The following CREBBP variants were observed in gnomAD, a reference collection of about 807,000 sequenced individuals.
CREBBP encodes CREB-binding protein.
In CREBBP, 19 loss-of-function variants were observed where a neutral mutation model predicts 265.0. The observed-to-expected ratio is 0.07, with a 90% CI of 0.05 to 0.11. The LOEUF (loss-of-function observed/expected upper bound fraction) is 0.11, where lower values mean the gene tolerates loss of function less well. Ranked by LOEUF, CREBBP falls within the 10% of genes least tolerant of loss-of-function variation. The probability of loss-of-function intolerance (pLI) is 1.00; values close to 1 mark genes in which losing one functional copy is unlikely to be tolerated. For missense variants in CREBBP, 2,525 were observed against 3,219.0 expected, an observed-to-expected ratio of 0.78 and a Z score of 5.22; for synonymous variants, 1,457 against 1,223.7, an observed-to-expected ratio of 1.19 and a Z score of -3.98.
chr16:3,750,670 G>T (rs1048263873), intron 20 of CREBBP, among the ~76,000 whole-genome samples: 1 of 152,206 alleles, frequency 6.6e-6, no homozygotes, highest in Non-Finnish European at 1.5e-5. Context: ...CCCTGTGCAG[G>T]AGTGAACTAA....
At chr16:3,748,232 C>T (rs1199023811) in intron 21 of CREBBP, among the ~76,000 whole-genome samples, 5 of 150,666 alleles carry the variant, frequency 3.3e-5, no homozygotes, top group African/African-American at 7.3e-5. Context: ...GAGCCGAGAT[C>T]GCGCCACTGC....
chr16:3,850,182 G>A (rs754180863), intron 2 of CREBBP, 115 bp downstream of exon 2: 46 of 981,772 alleles, frequency 4.7e-5, no homozygotes, highest in Non-Finnish European at 6.2e-5. Context: ...TGAGTGGCAC[G>A]TGGAGAGCCC....
At chr16:3,875,187 T>C (rs2055374091) in intron 1 of CREBBP, among the ~76,000 whole-genome samples, 1 of 152,188 alleles carries the variant, frequency 6.6e-6, no homozygotes, top group Non-Finnish European at 1.5e-5. Flanking sequence ...CAAATCTGAA[T>C]GTTCAGCCAG....
intron 2 of CREBBP, among the ~76,000 whole-genome samples, chr16:3,812,144 G>T (rs1011685052): frequency 1.3e-5 from 2 of 151,984 alleles, no homozygotes; most frequent in African/African-American, 4.8e-5. Flanking sequence ...AGAGGTTATA[G>T]TATCCTCTCT....
chr16:3,859,545 G>C (rs1008567804), intron 1 of CREBBP, among the ~76,000 whole-genome samples: 1 of 152,176 alleles, frequency 6.6e-6, no homozygotes, highest in Non-Finnish European at 1.5e-5. Context: ...GCAGCTCCTA[G>C]GTAGCTTCGG....
At chr16:3,800,438 A>T (rs2053689884) in intron 3 of CREBBP, among the ~76,000 whole-genome samples, 1 of 152,164 alleles carries the variant, frequency 6.6e-6, no homozygotes, top group African/African-American at 2.4e-5. Flanking sequence ...AAATTCTTAA[A>T]ATACAGATCC....
intron 1 of CREBBP, among the ~76,000 whole-genome samples, chr16:3,854,539 C>G (rs968385581): frequency 6.6e-6 from 1 of 152,214 alleles, no homozygotes; most frequent in African/African-American, 2.4e-5. Context: ...CTCACCCTAA[C>G]CCTAACAGAC....
chr16:3,817,432 C>A (rs1042707072), intron 2 of CREBBP, among the ~76,000 whole-genome samples: 1 of 152,146 alleles, frequency 6.6e-6, no homozygotes, highest in African/African-American at 2.4e-5. Context: ...CTCAGAAAGA[C>A]CAGAAAGATT....
At chr16:3,878,798 C>G (rs960720169) in intron 1 of CREBBP, among the ~76,000 whole-genome samples, 1 of 152,126 alleles carries the variant, frequency 6.6e-6, no homozygotes, top group African/African-American at 2.4e-5. Flanking sequence ...CAAGTTTTTG[C>G]GGCAAAGGAG....
In CREBBP at chr16:3,850,938, G is replaced by A. The variant is rs1220521982; in HGVS notation, c.157C>T (p.Leu53Phe). The change falls in exon 2 of 31, where the codon CTT (leucine) becomes TTT (phenylalanine). Residue 53 changes from leucine to phenylalanine, a missense_variant. Physicochemically the swap from Leu to Phe is conservative, Grantham distance 22 (BLOSUM62 0). This residue lies in a region of CREBBP where 356 missense variants were observed against 340.4 expected (regional missense o/e 1.05). Transcript: ENST00000262367. ...ELIPNGGELG[L>F]LNSGNLVPDA... ...GGAACAAGGTTCCCACTGTTTAAAA[G>A]GCCTAATTCTCCTCCATTGGGTATC... is the stretch of plus-strand genomic sequence containing the variant. 1.4e-5 allele frequency: 23 copies of A among 1,614,066 alleles called. No individual in the cohort carries two copies. Among genetic ancestry groups the A allele is most frequent in the Non-Finnish European group, 1.9e-5 (23 of 1,180,052 alleles).
At chr16:3,868,081 A>G (rs1056578785) in intron 1 of CREBBP, among the ~76,000 whole-genome samples, 3 of 152,182 alleles carry the variant, frequency 2.0e-5, no homozygotes, top group African/African-American at 7.2e-5. Flanking sequence ...AGAAGAGACC[A>G]TATTTGCCTG....
chr16:3,825,000 T>A (rs989259785), intron 2 of CREBBP, among the ~76,000 whole-genome samples: 1 of 152,194 alleles, frequency 6.6e-6, no homozygotes, highest in African/African-American at 2.4e-5. Flanking sequence ...CAAAGCACTG[T>A]GCAATCTTGA....
At position 3,727,151 on chromosome 16, in the gene CREBBP, T is replaced by A. The variant is rs1366913023; in HGVS notation, c.*567A>T. On this transcript the variant is annotated 3_prime_UTR_variant, in exon 31 of 31. Coordinates refer to ENST00000262367, the MANE Select transcript of CREBBP (RefSeq NM_004380.3). ...ATGTATAGATAGATGTGTGTGGGTGTGTACGTGTGTGCACGCCGGAGTCAA... is the reference window on the plus strand; with the variant it reads ...ATGTATAGATAGATGTGTGTGGGTGAGTACGTGTGTGCACGCCGGAGTCAA... 4.2e-6 allele frequency: 1 copy of A among 239,038 alleles called. No homozygotes were observed. The highest frequency in any genetic ancestry group is 8.2e-6 in the Non-Finnish European group (1 of 121,604). The allele number at this position is 239,038 out of a possible 1,614,324, so 14.8% of individuals were successfully genotyped here. A position where few individuals can be genotyped will look rare whatever the true frequency, so the allele number is the denominator to read the frequency against.
chr16:3,772,845 G>T (rs540122130), intron 13 of CREBBP, among the ~76,000 whole-genome samples: 13 of 149,490 alleles, frequency 8.7e-5, no homozygotes, highest in African/African-American at 3.2e-4. Context: ...CGAGGTGGGT[G>T]GATCACCTGA....
At chr16:3,861,935 C>T (rs1436218815) in intron 1 of CREBBP, among the ~76,000 whole-genome samples, 1 of 152,172 alleles carries the variant, frequency 6.6e-6, no homozygotes, top group Non-Finnish European at 1.5e-5. Flanking sequence ...TGCCCCTCCT[C>T]AGAATCACTG....
chr16:3,834,594 C>T (rs1296715), intron 2 of CREBBP, among the ~76,000 whole-genome samples: 145,308 of 152,224 alleles, frequency 0.95, 69,684 homozygotes, highest in Middle Eastern at 1. Flanking sequence ...CATGACACTA[C>T]AATGATGCAC....
At chr16:3,818,325 G>C (rs1200195800) in intron 2 of CREBBP, among the ~76,000 whole-genome samples, 2 of 24,414 alleles carry the variant, frequency 8.2e-5, no homozygotes, top group Non-Finnish European at 2.0e-4. Context: ...TTTTTTTTTT[G>C]AGATGGAGTC....
chr16:3,853,890 T>C (rs2054905948), intron 1 of CREBBP, among the ~76,000 whole-genome samples: 1 of 151,930 alleles, frequency 6.6e-6, no homozygotes, highest in African/African-American at 2.4e-5. Context: ...TGAACTGAGA[T>C]ATCGCCATTG....
At chr16:3,810,462 T>C in intron 3 of CREBBP, 141 bp downstream of exon 3, 15 of 924,990 alleles carry the variant, frequency 1.6e-5, no homozygotes, top group Non-Finnish European at 2.6e-5. Context: ...TTTAGAGAGC[T>C]ACTCATGAGA....
Sources: allele counts gnomAD v4.1 joint callset (sites outside exome capture counted in the v4.1 genomes callset), GRCh38; gene constraint gnomAD v4.1.1; regional missense constraint gnomAD v4.1.1; transcripts MANE v1.5; gene names NCBI Gene and HGNC (gene_info 2026-07-23, HGNC 2026-07-21).